TENT5D: variants seen among roughly 807,000 people sequenced by gnomAD.
TENT5D encodes the protein cancer/testis antigen 112.
For missense variants in TENT5D, 191 were observed against 287.0 expected (o/e 0.67, Z 2.42); for synonymous variants, 103 against 100.6 (o/e 1.02, Z -0.15).
At chrX:80,363,062 G>A (rs1334234699) in intron 3 of TENT5D, among the ~76,000 whole-genome samples, 1 of 111,334 alleles carries the variant, frequency 9.0e-6, no homozygotes, top group Non-Finnish European at 1.9e-5. Flanking sequence ...TTTAATAAAA[G>A]CCATGTAATT....
At position 80,353,604 on chromosome X, in the gene TENT5D, A is replaced by T. The variant is rs144037274; in HGVS notation, c.-142+11040A>T. 1.1e-3 allele frequency among the ~76,000 whole-genome samples: 126 copies of T among 112,123 alleles called. 1 individual carries two copies. In the East Asian group the frequency reaches 0.026, roughly 24 times the overall value. On this transcript the variant is annotated intron_variant, in intron 3 of 4. Transcript: ENST00000538312. ...CTCCATCCATGTTGCTGCAAAGGAG[A>T]TGATCTCATTCTTTTTATGGCTGCA...
At chrX:80,371,522 T>A (rs1338449870) in intron 3 of TENT5D, among the ~76,000 whole-genome samples, 1 of 112,187 alleles carries the variant, frequency 8.9e-6, no homozygotes. Context: ...GGCTTTTTCA[T>A]CTACACTGAA....
At chrX:80,350,327 G>C (rs1168570878) in intron 3 of TENT5D, among the ~76,000 whole-genome samples, 1 of 111,599 alleles carries the variant, frequency 9.0e-6, no homozygotes, top group Non-Finnish European at 1.9e-5. Flanking sequence ...GAATCCAGTT[G>C]TTCCTCTTTT....
At chrX:80,409,684 C>T (rs1343311096) in intron 3 of TENT5D, among the ~76,000 whole-genome samples, 1 of 110,484 alleles carries the variant, frequency 9.1e-6, no homozygotes, top group Non-Finnish European at 1.9e-5. Context: ...AGGTAACTTA[C>T]AGATTCAATG....
intron 3 of TENT5D, among the ~76,000 whole-genome samples, chrX:80,349,644 A>G (rs1342107086): frequency 9.1e-6 from 1 of 109,751 alleles, no homozygotes. Context: ...TCGTGTCTCT[A>G]TCTCCTTCAG....
chrX:80,349,055 G>A (rs1394052264), intron 3 of TENT5D, among the ~76,000 whole-genome samples: 1 of 111,767 alleles, frequency 8.9e-6, no homozygotes, highest in African/African-American at 3.3e-5. Flanking sequence ...GGCTGGATTC[G>A]GTTTGCCAAT....
At chrX:80,366,862 A>G (rs1363602538) in intron 3 of TENT5D, among the ~76,000 whole-genome samples, 1 of 111,566 alleles carries the variant, frequency 9.0e-6, no homozygotes, top group Non-Finnish European at 1.9e-5. Context: ...TCTGCTTTTA[A>G]TCTTTATTGA....
At chrX:80,401,917 T>A (rs928732417) in intron 3 of TENT5D, among the ~76,000 whole-genome samples, 1 of 112,054 alleles carries the variant, frequency 8.9e-6, no homozygotes, top group African/African-American at 3.2e-5. Context: ...TCTGGCCTTA[T>A]ATAGTTTGGA....
intron 3 of TENT5D, among the ~76,000 whole-genome samples, chrX:80,398,470 C>A (rs1388453059): frequency 9.0e-6 from 1 of 110,949 alleles, no homozygotes; most frequent in Non-Finnish European, 1.9e-5. Context: ...TTTATTTATA[C>A]AATCTTTTCC....
intron 3 of TENT5D, among the ~76,000 whole-genome samples, chrX:80,365,546 A>G (rs1326802283): frequency 4.5e-5 from 5 of 111,420 alleles, no homozygotes; most frequent in Non-Finnish European, 1.9e-5. Context: ...GGAGTCCATA[A>G]AGAGTAGTTT....
At chrX:80,389,299 C>T (rs1321167409) in intron 3 of TENT5D, among the ~76,000 whole-genome samples, 1 of 112,138 alleles carries the variant, frequency 8.9e-6, no homozygotes, top group Non-Finnish European at 1.9e-5. Flanking sequence ...TTGGAGGCTT[C>T]TGTTCTGCCA....
chrX:80,365,049 C>A (rs1341869706), intron 3 of TENT5D, among the ~76,000 whole-genome samples: 1 of 110,853 alleles, frequency 9.0e-6, no homozygotes, highest in Admixed American at 9.7e-5. Context: ...CTATGTAGAA[C>A]AGAAATCTCT....
intron 2 of TENT5D, among the ~76,000 whole-genome samples, chrX:80,337,093 A>G (rs191881639): frequency 3.6e-5 from 4 of 112,194 alleles, no homozygotes; most frequent in Non-Finnish European, 5.6e-5. Context: ...TTTAAAGTAC[A>G]TGTGTATTCA....
rs375290320 is a variant in TENT5D at position 80,408,685 on chromosome X, A to G, written c.-141-29925A>G. On this transcript the variant is annotated intron_variant, in intron 3 of 4. Coordinates refer to the TENT5D transcript ENST00000538312. ...ACCAGAGGTAGAAGGAGGAACTGGT[A>G]CCATTCCTTCTGAAACTATTCCAAT... Among the ~76,000 whole-genome samples, 11 of 111,411 alleles carry G rather than the reference A, an allele frequency of 9.9e-5. No homozygotes were observed. The East Asian group carries it at 2.8e-3, about 29-fold the overall frequency.
intron 3 of TENT5D, among the ~76,000 whole-genome samples, chrX:80,348,505 A>T (rs1192569517): frequency 9.0e-6 from 1 of 111,517 alleles, no homozygotes; most frequent in Non-Finnish European, 1.9e-5. Context: ...TTGCCCATTG[A>T]TTTTGTATCC....
At chrX:80,440,078 C>G (rs1287128314) in intron 2 of TENT5D, among the ~76,000 whole-genome samples, 1 of 111,642 alleles carries the variant, frequency 9.0e-6, no homozygotes, top group African/African-American at 3.2e-5. Flanking sequence ...CACCGTTTCT[C>G]CACATCCTGG....
At chrX:80,348,514 C>A (rs1930112546) in intron 3 of TENT5D, among the ~76,000 whole-genome samples, 1 of 111,697 alleles carries the variant, frequency 9.0e-6, no homozygotes, top group Non-Finnish European at 1.9e-5. Context: ...GATTTTGTAT[C>A]CTGAGACTTT....
chrX:80,398,078 G>T (rs1931320177), intron 3 of TENT5D, among the ~76,000 whole-genome samples: 3 of 112,343 alleles, frequency 2.7e-5, no homozygotes, highest in African/African-American at 9.7e-5. Flanking sequence ...ACCAGCGTCT[G>T]TTACTTTTTG....
At chrX:80,436,109 G>A (rs1262033279) in intron 1 of TENT5D, among the ~76,000 whole-genome samples, 3 of 110,578 alleles carry the variant, frequency 2.7e-5, no homozygotes, top group Non-Finnish European at 5.7e-5. Flanking sequence ...ACTATTCTGT[G>A]GAATAATATC....
Sources: allele counts gnomAD v4.1 joint callset (sites outside exome capture counted in the v4.1 genomes callset), GRCh38; gene constraint gnomAD v4.1.1; transcripts MANE v1.5; gene names NCBI Gene and HGNC (gene_info 2026-07-23, HGNC 2026-07-21).